The following R3HDM1 variants were observed in gnomAD, a reference collection of about 807,000 sequenced individuals.
The protein encoded by R3HDM1 is R3H domain containing 1.
In R3HDM1, 46 loss-of-function variants were observed where a neutral mutation model predicts 141.1. The ratio of observed to expected loss-of-function variants is 0.33; its 90% confidence interval spans 0.26 to 0.42. The LOEUF is 0.42. Ranked by LOEUF, R3HDM1 falls within the 10% of genes least tolerant of loss-of-function variation. The probability of loss-of-function intolerance (pLI) is 1.00; values close to 1 mark genes in which losing one functional copy is unlikely to be tolerated. For missense variants in R3HDM1, 1,184 were observed against 1,368.3 expected (o/e 0.87, Z 2.12); for synonymous variants, 435 against 472.9 (o/e 0.92, Z 1.04).
intron 1 of R3HDM1, among the ~76,000 whole-genome samples, chr2:135,594,987 C>G (rs1196265443): frequency 6.6e-6 from 1 of 151,478 alleles, no homozygotes; most frequent in Non-Finnish European, 1.5e-5. Context: ...ACCCCCCCCC[C>G]TTTTCAATGA....
chr2:135,655,859 A>G (rs575197141), intron 18 of R3HDM1, among the ~76,000 whole-genome samples: 26 of 152,250 alleles, frequency 1.7e-4, no homozygotes, highest in African/African-American at 6.3e-4. Flanking sequence ...TGATTTGAGA[A>G]TGGGCTTTTC....
intron 1 of R3HDM1, among the ~76,000 whole-genome samples, chr2:135,582,215 A>G (rs1706972392): frequency 6.6e-6 from 1 of 152,278 alleles, no homozygotes; most frequent in East Asian, 1.9e-4. Flanking sequence ...CTGTAATCCC[A>G]GCTACTTAGG....
At chr2:135,680,693 C>T (rs925884920) in intron 21 of R3HDM1, among the ~76,000 whole-genome samples, 5 of 152,164 alleles carry the variant, frequency 3.3e-5, no homozygotes, top group African/African-American at 1.2e-4. Context: ...TCTTTTGAAC[C>T]CGGGAGGCAG....
At chr2:135,549,486 G>A (rs1244091897) in intron 1 of R3HDM1, among the ~76,000 whole-genome samples, 6 of 150,892 alleles carry the variant, frequency 4.0e-5, no homozygotes, top group East Asian at 1.9e-4. Flanking sequence ...CCTTGAACTC[G>A]GGAGGCGGAT....
At chr2:135,706,644 T>C (rs1243229830) in intron 21 of R3HDM1, among the ~76,000 whole-genome samples, 1 of 152,132 alleles carries the variant, frequency 6.6e-6, no homozygotes, top group Non-Finnish European at 1.5e-5. Context: ...CCTTAATCCA[T>C]TTAACCCTGA....
At chr2:135,590,653 C>A in intron 1 of R3HDM1, 1 of 985,364 alleles carries the variant, frequency 1.0e-6, no homozygotes, top group South Asian at 4.7e-5. Context: ...TCTGCTAGCT[C>A]TACATGTATA....
chr2:135,697,396 G>A (rs1338636720), intron 21 of R3HDM1, among the ~76,000 whole-genome samples: 1 of 152,196 alleles, frequency 6.6e-6, no homozygotes, highest in Non-Finnish European at 1.5e-5. Flanking sequence ...GGCTCTTGCA[G>A]AAAAAGTTTA....
chr2:135,539,673 AAG>A (rs1244982621), intron 1 of R3HDM1, among the ~76,000 whole-genome samples: 9 of 152,074 alleles, frequency 5.9e-5, no homozygotes, highest in Non-Finnish European at 1.3e-4. Context: ...TGAAAAAAAA[AAG>A]AGTTTTATAC....
At chr2:135,677,875 C>T (rs2069474496) in intron 20 of R3HDM1, among the ~76,000 whole-genome samples, 1 of 152,146 alleles carries the variant, frequency 6.6e-6, no homozygotes, top group South Asian at 2.1e-4. Flanking sequence ...TTCTGACTTT[C>T]CCTCCAGTGT....
At chr2:135,687,177 A>G (rs2071495104) in intron 21 of R3HDM1, among the ~76,000 whole-genome samples, 1 of 152,248 alleles carries the variant, frequency 6.6e-6, no homozygotes, top group African/African-American at 2.4e-5. Context: ...CCTAGGCAAC[A>G]GGGCAAAATT....
At chr2:135,539,076 G>A (rs1387788066) in intron 1 of R3HDM1, among the ~76,000 whole-genome samples, 5 of 152,152 alleles carry the variant, frequency 3.3e-5, no homozygotes, top group Non-Finnish European at 4.4e-5. Context: ...AAGGTCTTCA[G>A]AGACAATTAC....
chr2:135,636,218 G>A (rs2063231433), intron 11 of R3HDM1, 35 bp downstream of exon 11: 3 of 1,591,566 alleles, frequency 1.9e-6, no homozygotes, highest in Non-Finnish European at 2.6e-6. Flanking sequence ...TCATGTTAGA[G>A]TATATTCTAA....
At chr2:135,620,685 T>G in intron 5 of R3HDM1, 4 of 947,770 alleles carry the variant, frequency 4.2e-6, no homozygotes, top group Non-Finnish European at 5.0e-6. Context: ...GTAAAACTGG[T>G]GTAGAATTTA....
chr2:135,658,114 A>T (rs1257260186), intron 18 of R3HDM1, among the ~76,000 whole-genome samples: 1 of 152,220 alleles, frequency 6.6e-6, no homozygotes, highest in Non-Finnish European at 1.5e-5. Context: ...AATATATGTA[A>T]ACATAGAAAA....
Position 135,684,147 on chromosome 2 carries a change from G to A in R3HDM1, c.2459+3823G>A, listed in dbSNP as rs181056691. ...ACTCTGTCGCCCAGGCTGGAGTGCA[G>A]TGGCACGAACTCAGCTCACTGCAAG... On this transcript the variant is annotated intron_variant, in intron 21 of 26. Transcript: ENST00000683871. Among the ~76,000 whole-genome samples the A allele has an allele frequency of 9.2e-5, 14 of 152,254 alleles. No individual in the cohort carries two copies. In the East Asian group the frequency reaches 2.3e-3, roughly 25 times the overall value.
At chr2:135,711,986 A>G (rs938007142) in intron 23 of R3HDM1, among the ~76,000 whole-genome samples, 5 of 150,848 alleles carry the variant, frequency 3.3e-5, no homozygotes, top group African/African-American at 7.3e-5. Context: ...AAAAAAAAAA[A>G]AAGAGTTGTC....
intron 3 of R3HDM1, 110 bp downstream of exon 3, chr2:135,605,126 TCGTGACATGC>T: frequency 5.3e-6 from 5 of 941,784 alleles, no homozygotes; most frequent in Non-Finnish European, 6.1e-6. Context: ...AGTTGACCCT[TCGTGACATGC>T]TTACTAGCTG....
At chr2:135,556,820 A>G (rs1484411388) in intron 1 of R3HDM1, among the ~76,000 whole-genome samples, 1 of 152,034 alleles carries the variant, frequency 6.6e-6, no homozygotes, top group Non-Finnish European at 1.5e-5. Context: ...GCCTAGCCCA[A>G]AACTGTCATT....
intron 18 of R3HDM1, among the ~76,000 whole-genome samples, chr2:135,652,382 C>T (rs2065243668): frequency 6.6e-6 from 1 of 152,156 alleles, no homozygotes; most frequent in African/African-American, 2.4e-5. Flanking sequence ...AATCCCAGCA[C>T]TTTGTGAGGC....
Sources: allele counts gnomAD v4.1 joint callset (sites outside exome capture counted in the v4.1 genomes callset), GRCh38; gene constraint gnomAD v4.1.1; transcripts MANE v1.5; gene names NCBI Gene and HGNC (gene_info 2026-07-23, HGNC 2026-07-21).